SRGAP3: variants seen among roughly 807,000 people sequenced by gnomAD.
SRGAP3 encodes SLIT-ROBO Rho GTPase-activating protein 3.
In SRGAP3, 39 loss-of-function variants were observed where a neutral mutation model predicts 121.1. The ratio of observed to expected loss-of-function variants is 0.32; its 90% CI spans 0.25 to 0.42. The LOEUF (loss-of-function observed/expected upper bound fraction) is 0.42, where lower values mean the gene tolerates loss of function less well. Ranked by LOEUF, SRGAP3 falls within the 10% of genes least tolerant of loss-of-function variation. The pLI is 1.00. For synonymous variants in SRGAP3, 601 were observed against 570.0 expected (o/e 1.05, Z -0.77); for missense variants, 1,213 against 1,470.6 (o/e 0.82, Z 2.86).
intron 3 of SRGAP3, among the ~76,000 whole-genome samples, chr3:9,306,210 T>G (rs1451633819): frequency 3.9e-5 from 6 of 152,236 alleles, no homozygotes; most frequent in Non-Finnish European, 7.3e-5. Flanking sequence ...ATAAATGTCT[T>G]CTTTTGAGAA....
Position 8,985,189 on chromosome 3 carries a change from G to T in SRGAP3, c.*330C>A. ...ATACACACACATATACGTATGTAGA[G>T]AGAATGTCGAGAGAGGAAGTTTCCA... On this transcript the variant is annotated 3_prime_UTR_variant, in exon 22 of 22. Coordinates refer to ENST00000383836, the MANE Select transcript of SRGAP3 (RefSeq NM_014850.4). The surrounding 1 kb of genome is among the most constrained non-coding windows in gnomAD (Gnocchi z 5.1). 1 of 448,524 alleles carries T rather than the reference G, an allele frequency of 2.2e-6. No homozygotes were observed. The highest frequency in any genetic ancestry group is 2.5e-5 in the South Asian group (1 of 39,408). 27.8% of individuals were successfully genotyped at this position (448,524 alleles called of 1,614,324 possible).
intron 1 of SRGAP3, among the ~76,000 whole-genome samples, chr3:9,207,235 AAATG>A (rs1253151886): frequency 6.6e-6 from 1 of 152,226 alleles, no homozygotes. Context: ...AGCTGTAACC[AAATG>A]AACTTTGAGT....
At chr3:9,081,059 G>C (rs986287521) in intron 3 of SRGAP3, among the ~76,000 whole-genome samples, 1 of 152,138 alleles carries the variant, frequency 6.6e-6, no homozygotes, top group Non-Finnish European at 1.5e-5. Context: ...AAAAAAGGTT[G>C]GGGACCACTG....
At chr3:9,335,030 C>A (rs902680989) in intron 1 of SRGAP3, among the ~76,000 whole-genome samples, 1 of 152,174 alleles carries the variant, frequency 6.6e-6, no homozygotes, top group Non-Finnish European at 1.5e-5. Context: ...GGGAACTCTG[C>A]CAATTGTATC....
intron 3 of SRGAP3, among the ~76,000 whole-genome samples, chr3:9,094,701 T>G (rs1947899169): frequency 1.3e-5 from 2 of 152,208 alleles, no homozygotes; most frequent in African/African-American, 4.8e-5. Flanking sequence ...TACCTTTTCC[T>G]GATTACCAGT....
chr3:9,195,732 G>A (rs1951894890), intron 1 of SRGAP3, among the ~76,000 whole-genome samples: 1 of 152,010 alleles, frequency 6.6e-6, no homozygotes, highest in African/African-American at 2.4e-5. Context: ...AAGGTGGGAG[G>A]ATCACTTGAG....
At chr3:9,314,008 TA>T (rs1330129359) in intron 3 of SRGAP3, among the ~76,000 whole-genome samples, 2 of 152,112 alleles carry the variant, frequency 1.3e-5, no homozygotes, top group Non-Finnish European at 2.9e-5. Context: ...AAAAAGAAAA[TA>T]GCTTATAATT....
rs145120604 is a variant in SRGAP3, at chr3:9,316,982, A to G, written n.442+9028T>C. Among the ~76,000 whole-genome samples, 62 of 152,272 alleles carry G rather than the reference A, an allele frequency of 4.1e-4. No homozygotes were observed. In the East Asian group the frequency reaches 0.011, roughly 28 times the overall value. ...AGGGGCCAGAGAGGCAGAGAATTCA[A>G]TTCTGTAGGCCACCGTGTACTTCTT... is the stretch of plus-strand genomic sequence containing the variant. On this transcript the variant is annotated intron_variant and non_coding_transcript_variant, in intron 3 of 3. Coordinates refer to the SRGAP3 transcript ENST00000490889.
intron 11 of SRGAP3, chr3:9,033,931 T>A (rs1157264610): frequency 3.9e-5 from 6 of 152,166 alleles, no homozygotes; most frequent in Admixed American, 3.9e-4. Flanking sequence ...CTTAGGGCAC[T>A]TTTTTATTTC....
chr3:9,264,662 G>A (rs1476215841), intron 3 of SRGAP3, among the ~76,000 whole-genome samples: 6 of 151,962 alleles, frequency 3.9e-5, no homozygotes, highest in African/African-American at 1.2e-4. Flanking sequence ...TACAACTTAC[G>A]AGGGGTGTGA....
intron 1 of SRGAP3, among the ~76,000 whole-genome samples, chr3:9,228,010 A>G (rs1032222724): frequency 2.0e-5 from 3 of 152,224 alleles, no homozygotes; most frequent in African/African-American, 7.2e-5. Context: ...TTATGCTGTC[A>G]TGCAATTCTC....
At chr3:9,077,590 C>T (rs1480246561) in intron 4 of SRGAP3, among the ~76,000 whole-genome samples, 4 of 152,222 alleles carry the variant, frequency 2.6e-5, no homozygotes, top group Non-Finnish European at 4.4e-5. Context: ...CCTCACCAGG[C>T]TGCTGTGGAA....
intron 2 of SRGAP3, among the ~76,000 whole-genome samples, chr3:9,327,718 G>A (rs1423174885): frequency 3.9e-5 from 6 of 152,194 alleles, no homozygotes; most frequent in Admixed American, 1.3e-4. Context: ...AAAAGTCATA[G>A]TAGCATTTTA....
chr3:9,076,408 T>A (rs760532766), intron 4 of SRGAP3, among the ~76,000 whole-genome samples: 1 of 151,436 alleles, frequency 6.6e-6, no homozygotes, highest in Non-Finnish European at 1.5e-5. Flanking sequence ...TAAGCACTCA[T>A]GAAGTGGCTA....
intron 10 of SRGAP3, among the ~76,000 whole-genome samples, chr3:9,040,461 T>C (rs1944963177): frequency 6.6e-6 from 1 of 152,234 alleles, no homozygotes; most frequent in African/African-American, 2.4e-5. Context: ...AACACTTGCA[T>C]GGCTCATTTC....
At chr3:9,221,128 C>A (rs1952798191) in intron 1 of SRGAP3, among the ~76,000 whole-genome samples, 1 of 152,206 alleles carries the variant, frequency 6.6e-6, no homozygotes, top group Non-Finnish European at 1.5e-5. Flanking sequence ...CCCCTTCCCC[C>A]AGGAACAGCA....
chr3:9,266,089 G>A (rs1218285819), intron 3 of SRGAP3, among the ~76,000 whole-genome samples: 1 of 152,104 alleles, frequency 6.6e-6, no homozygotes, highest in African/African-American at 2.4e-5. Context: ...GGATGAAGCT[G>A]GAAACCATCA....
rs755282851 is a variant in SRGAP3, at chr3:9,058,482, A to T, written c.802-10T>A. On this transcript the variant is annotated splice_polypyrimidine_tract_variant and intron_variant, in intron 6 of 21. Coordinates refer to ENST00000383836, the MANE Select transcript of SRGAP3 (RefSeq NM_014850.4). Reference sequence around the variant, plus strand: ...AGCCCAAATCACAGCACTTGGGGAGAGGCAACAACGGAAGGTTATGGGTGA... The same window carrying T: ...AGCCCAAATCACAGCACTTGGGGAGTGGCAACAACGGAAGGTTATGGGTGA... 1 of 1,613,294 alleles carries T rather than the reference A, an allele frequency of 6.2e-7. No homozygotes were observed. Among genetic ancestry groups the T allele is most frequent in the Non-Finnish European group, 8.5e-7 (1 of 1,179,926 alleles).
At chr3:9,107,082 A>G (rs1232846729) in intron 2 of SRGAP3, among the ~76,000 whole-genome samples, 1 of 152,230 alleles carries the variant, frequency 6.6e-6, no homozygotes, top group African/African-American at 2.4e-5. Flanking sequence ...AAGGATGGGA[A>G]CTATCTAAGG....
Sources: gnomAD v4.1 joint callset for allele counts (sites outside exome capture counted in the v4.1 genomes callset) on GRCh38, gnomAD v4.1.1 for gene constraint, Gnocchi (gnomAD v3.1) non-coding constraint, MANE v1.5 for transcripts, NCBI Gene and HGNC (gene_info 2026-07-23, HGNC 2026-07-21) for gene names.